The following RBFOX1 variants were observed in gnomAD, a reference collection of about 807,000 sequenced individuals.
The protein encoded by RBFOX1 is RNA binding protein fox-1 homolog 1.
RBFOX1 carries 8 observed loss-of-function variants against 57.7 expected under a neutral mutation model. The ratio of observed to expected loss-of-function variants is 0.14; its 90% CI spans 0.08 to 0.25. The LOEUF (loss-of-function observed/expected upper bound fraction) is 0.25, where lower values mean the gene tolerates loss of function less well. Ranked by LOEUF, RBFOX1 falls within the 10% of genes least tolerant of loss-of-function variation. RBFOX1 has a pLI of 1.00. For synonymous variants in RBFOX1, 326 were observed against 222.4 expected, an observed-to-expected ratio of 1.47 and a Z score of -4.15; for missense variants, 611 against 548.5, an observed-to-expected ratio of 1.11 and a Z score of -1.14.
chr16:5,485,656 A>G (rs1297087445), intron 2 of RBFOX1, among the ~76,000 whole-genome samples: 2 of 152,230 alleles, frequency 1.3e-5, no homozygotes, highest in Admixed American at 6.5e-5. Context: ...AGCAAGGTTA[A>G]TAACTTGTCC....
intron 7 of RBFOX1, among the ~76,000 whole-genome samples, chr16:7,591,749 T>C (rs1325167695): frequency 6.6e-6 from 1 of 152,222 alleles, no homozygotes; most frequent in South Asian, 2.1e-4. Flanking sequence ...CCCAGCCCTT[T>C]GCCGAGCAAG....
chr16:7,472,541 C>T (rs2061758182), intron 4 of RBFOX1, among the ~76,000 whole-genome samples: 1 of 152,180 alleles, frequency 6.6e-6, no homozygotes, highest in Non-Finnish European at 1.5e-5. Context: ...GATATTTATG[C>T]AGTACACAGT....
chr16:7,215,119 T>G (rs776665585), intron 4 of RBFOX1, among the ~76,000 whole-genome samples: 7 of 152,188 alleles, frequency 4.6e-5, no homozygotes, highest in Non-Finnish European at 1.0e-4. Context: ...CCATGTGTTC[T>G]CATTGTTCAA....
At chr16:6,887,027 C>T (rs1208618211) in intron 3 of RBFOX1, among the ~76,000 whole-genome samples, 1 of 152,056 alleles carries the variant, frequency 6.6e-6, no homozygotes, top group Non-Finnish European at 1.5e-5. Flanking sequence ...GATTATCTTC[C>T]ATATACTGGT....
intron 2 of RBFOX1, among the ~76,000 whole-genome samples, chr16:5,513,214 T>A (rs1382148582): frequency 2.0e-5 from 3 of 152,152 alleles, no homozygotes; most frequent in Non-Finnish European, 4.4e-5. Context: ...ACCCGGCTAC[T>A]TTCCTTGTTT....
intron 2 of RBFOX1, among the ~76,000 whole-genome samples, chr16:6,438,164 A>T (rs1488643260): frequency 6.6e-6 from 1 of 152,228 alleles, no homozygotes; most frequent in Non-Finnish European, 1.5e-5. Flanking sequence ...GTTGGAAAGA[A>T]ATGTTTAAAA....
chr16:6,925,768 C>T (rs1406171636), intron 3 of RBFOX1, among the ~76,000 whole-genome samples: 1 of 151,652 alleles, frequency 6.6e-6, no homozygotes, highest in Non-Finnish European at 1.5e-5. Flanking sequence ...GGGAAATCCC[C>T]CAGGTAGGGA....
intron 14 of RBFOX1, among the ~76,000 whole-genome samples, chr16:7,689,411 G>T (rs938277620): frequency 1.3e-5 from 2 of 152,156 alleles, no homozygotes; most frequent in African/African-American, 4.8e-5. Flanking sequence ...GTAAGAAGCA[G>T]CAGGAGGCGT....
chr16:7,698,499 C>T (rs1990300), intron 14 of RBFOX1, among the ~76,000 whole-genome samples: 39,669 of 151,870 alleles, frequency 0.26, 5,360 homozygotes, highest in East Asian at 0.48. Context: ...GTGTCACCAG[C>T]GCCTTTCATT....
chr16:6,287,635 G>C (rs1002455900), intron 1 of RBFOX1, among the ~76,000 whole-genome samples: 3 of 152,130 alleles, frequency 2.0e-5, no homozygotes, highest in Non-Finnish European at 4.4e-5. Flanking sequence ...GAACAGGAAA[G>C]TGAAAATCTT....
chr16:7,563,824 A>G (rs578067295), intron 5 of RBFOX1, among the ~76,000 whole-genome samples: 140 of 152,060 alleles, frequency 9.2e-4, no homozygotes, highest in African/African-American at 3.3e-3. Context: ...TGCAACAAGA[A>G]GAGGAGAAGA....
Position 7,230,603 on chromosome 16 carries a change from G to A in RBFOX1, c.27+178505G>A, listed in dbSNP as rs865824456. Among the ~76,000 whole-genome samples, 12 of 152,256 alleles carry A rather than the reference G, an allele frequency of 7.9e-5. No individual in the cohort carries two copies. The South Asian group carries it at 2.5e-3, about 32-fold the overall frequency. On this transcript the variant is annotated intron_variant, in intron 4 of 15. Transcript: ENST00000550418. ...CGTTTCATTTCCCAATCACGTGATG[G>A]CATTGGGCACTACCACTAGCTTCTG...
intron 3 of RBFOX1, among the ~76,000 whole-genome samples, chr16:5,770,796 A>G (rs1213001085): frequency 6.6e-6 from 1 of 152,206 alleles, no homozygotes; most frequent in Non-Finnish European, 1.5e-5. Context: ...CCTAGAAGAA[A>G]ATAGCACACA....
chr16:7,689,067 C>T (rs992652391), intron 14 of RBFOX1, among the ~76,000 whole-genome samples: 2 of 151,942 alleles, frequency 1.3e-5, no homozygotes, highest in Admixed American at 6.6e-5. Context: ...GCCTCAGTTT[C>T]GTCATCTACA....
chr16:6,868,623 C>A (rs1284917747), intron 3 of RBFOX1, among the ~76,000 whole-genome samples: 2 of 152,056 alleles, frequency 1.3e-5, no homozygotes, highest in East Asian at 1.9e-4. Flanking sequence ...AGGCACACAC[C>A]ACCACGCCCA....
At chr16:7,036,337 C>G (rs1243614964) in intron 3 of RBFOX1, among the ~76,000 whole-genome samples, 1 of 152,130 alleles carries the variant, frequency 6.6e-6, no homozygotes, top group East Asian at 1.9e-4. Flanking sequence ...TTTTCACAAT[C>G]TTGGTTTTCT....
At chr16:5,742,794 G>C (rs2052823197) in intron 3 of RBFOX1, among the ~76,000 whole-genome samples, 1 of 152,170 alleles carries the variant, frequency 6.6e-6, no homozygotes. Context: ...TATTAGTCCA[G>C]AAATGGGACT....
chr16:5,646,331 G>T (rs1268738743), intron 3 of RBFOX1, among the ~76,000 whole-genome samples: 1 of 151,888 alleles, frequency 6.6e-6, no homozygotes, highest in African/African-American at 2.4e-5. Flanking sequence ...TGGAGATAGG[G>T]TCTCACTATG....
In RBFOX1 at chr16:7,711,320, C is replaced by G. The variant is rs889320620; in HGVS notation, c.*575C>G. On this transcript the variant is annotated 3_prime_UTR_variant, in exon 16 of 16. Transcript: ENST00000550418. ...CTAAGTTACTCATTGCCAGTTCAAGCCAAAGGTCATGTTGTTAAGGGGGTG... is the reference window on the plus strand; with the variant it reads ...CTAAGTTACTCATTGCCAGTTCAAGGCAAAGGTCATGTTGTTAAGGGGGTG... The G allele has an allele frequency of 6.6e-6, 1 of 152,392 alleles. No homozygotes were observed. The highest frequency in any genetic ancestry group is 2.4e-5 in the African/African-American group (1 of 41,380). 9.4% of individuals were successfully genotyped at this position (152,392 alleles called of 1,614,324 possible).
Sources: gnomAD v4.1 joint callset for allele counts (sites outside exome capture counted in the v4.1 genomes callset) on GRCh38, gnomAD v4.1.1 for gene constraint, MANE v1.5 for transcripts, NCBI Gene and HGNC (gene_info 2026-07-23, HGNC 2026-07-21) for gene names.